CFAP46: variants seen among roughly 807,000 people sequenced by gnomAD.
CFAP46 encodes cilia and flagella associated protein 46.
In CFAP46, 245 loss-of-function variants were observed where a neutral mutation model predicts 325.7. The ratio of observed to expected loss-of-function variants is 0.75; its 90% CI spans 0.68 to 0.84. The LOEUF (loss-of-function observed/expected upper bound fraction) is 0.84. Ranked by LOEUF, CFAP46 falls within the 40% of genes least tolerant of loss-of-function variation. CFAP46 has a pLI of 0.00. For synonymous variants in CFAP46, 1,523 were observed against 1,495.9 expected, an observed-to-expected ratio of 1.02 and a Z score of -0.42; for missense variants, 3,346 against 3,543.0, an observed-to-expected ratio of 0.94 and a Z score of 1.41.
chr10:132,920,761 C>T (rs2135599155), intron 13 of CFAP46, among the ~76,000 whole-genome samples: 1 of 152,356 alleles, frequency 6.6e-6, no homozygotes, highest in African/African-American at 2.4e-5. Flanking sequence ...ACGGCATCCT[C>T]CCCTGGAGCC....
chr10:132,881,773 C>T (rs1342142058), intron 27 of CFAP46, among the ~76,000 whole-genome samples: 3 of 152,266 alleles, frequency 2.0e-5, no homozygotes, highest in Non-Finnish European at 4.4e-5. Flanking sequence ...ACTGGCACCA[C>T]ACCACGTGCC....
Position 132,877,837 on chromosome 10 carries a change from C to G in CFAP46, c.4212+44G>C, listed in dbSNP as rs1848977878. On this transcript the variant is annotated intron_variant, in intron 30 of 57. Transcript: ENST00000368586. The surrounding 1 kb of genome is among the most constrained non-coding windows in gnomAD (Gnocchi z 5.7). ...ACAGGCAGGGAAACTGAGGCACAGG[C>G]CATCCTGGGCCCGGCCTCTGCACCG... is the stretch of plus-strand genomic sequence containing the variant. 1.3e-6 allele frequency: 2 copies of G among 1,540,260 alleles called. No individual in the cohort carries two copies. Among genetic ancestry groups the G allele is most frequent in the Middle Eastern group, 4.6e-4 (2 of 4,372 alleles).
intron 50 of CFAP46, among the ~76,000 whole-genome samples, chr10:132,821,372 C>T (rs1239277752): frequency 8.7e-6 from 1 of 114,694 alleles, no homozygotes. Context: ...GTGCTGTGTG[C>T]TGTGTGTGCA....
At chr10:132,910,846 C>A (rs35694315) in intron 19 of CFAP46, among the ~76,000 whole-genome samples, 4 of 152,258 alleles carry the variant, frequency 2.6e-5, no homozygotes, top group Admixed American at 6.5e-5. Flanking sequence ...ACACAGCCAT[C>A]CCATCGGAAT....
chr10:132,823,641 A>T (rs1343143427), intron 50 of CFAP46, among the ~76,000 whole-genome samples: 1 of 82,100 alleles, frequency 1.2e-5, no homozygotes, highest in East Asian at 4.4e-4. Context: ...GTGAGTGCTG[A>T]TGTGTGCTGT....
intron 54 of CFAP46, among the ~76,000 whole-genome samples, chr10:132,813,785 T>C (rs1175581294): frequency 6.6e-6 from 1 of 152,176 alleles, no homozygotes; most frequent in Non-Finnish European, 1.5e-5. Flanking sequence ...CTGATTGCTC[T>C]GTTCCCTGCT....
At chr10:132,938,808 C>G in intron 4 of CFAP46, 55 bp from the exon 5 acceptor site, 1 of 1,559,318 alleles carries the variant, frequency 6.4e-7, no homozygotes, top group Non-Finnish European at 8.7e-7. Context: ...CCGGCCCAAG[C>G]TGCAGAACCA....
intron 31 of CFAP46, among the ~76,000 whole-genome samples, chr10:132,875,103 T>C (rs1848941122): frequency 6.6e-6 from 1 of 152,256 alleles, no homozygotes; most frequent in Non-Finnish European, 1.5e-5. Flanking sequence ...TACATTTCTA[T>C]AGTTTATCTG....
chr10:132,937,268 T>A, intron 6 of CFAP46: 1 of 535,606 alleles, frequency 1.9e-6, no homozygotes, highest in East Asian at 3.1e-5. Context: ...GTGAATTTTC[T>A]ATTAACTTTA....
At position 132,867,158 on chromosome 10, in the gene CFAP46, CCGGCCCCT is replaced by C. The variant is rs1319189011; in HGVS notation, c.4743+209_4743+216del. On this transcript the variant is annotated intron_variant, in intron 34 of 57. Coordinates refer to ENST00000368586, the MANE Select transcript of CFAP46 (RefSeq NM_001200049.3). Reference sequence around the variant, plus strand: ...CCTCGCACACTGACACACACACAGGCCGGCCCCTCACACACTGACACACACACAGGCCG... The same window carrying C: ...CCTCGCACACTGACACACACACAGGCCACACACTGACACACACACAGGCCG... Among the ~76,000 whole-genome samples, 1,186 of 151,550 alleles carry C rather than the reference CCGGCCCCT, an allele frequency of 7.8e-3. 11 individuals carry two copies. Among genetic ancestry groups the C allele is most frequent in the South Asian group, 0.031 (150 of 4,770 alleles).
intron 16 of CFAP46, among the ~76,000 whole-genome samples, chr10:132,917,724 T>C (rs926124073): frequency 5.9e-5 from 9 of 152,186 alleles, no homozygotes; most frequent in Non-Finnish European, 1.3e-4. Flanking sequence ...CTCCCTCATA[T>C]TCATTTTGTT....
intron 50 of CFAP46, among the ~76,000 whole-genome samples, chr10:132,825,419 T>C (rs1848029323): frequency 2.0e-5 from 3 of 152,108 alleles, no homozygotes; most frequent in Admixed American, 2.0e-4. Context: ...AGACACGCAA[T>C]ATAAAGGGGC....
intron 41 of CFAP46, among the ~76,000 whole-genome samples, chr10:132,848,206 G>A (rs562811478): frequency 4.4e-4 from 67 of 152,236 alleles, no homozygotes; most frequent in African/African-American, 1.4e-3. Flanking sequence ...AGAAACAGTC[G>A]CCTTGAAATT....
rs142833391 is a variant in CFAP46, at chr10:132,887,668, CCT to C, written c.3305-1711_3305-1710del. Among the ~76,000 whole-genome samples the C allele has an allele frequency of 1.5e-3, 72 of 47,536 alleles. 1 individual carries two copies. Among genetic ancestry groups the C allele is most frequent in the Admixed American group, 2.3e-3 (7 of 3,060 alleles). The allele number at this position is 47,536 out of a possible 152,430, so 31.2% of individuals were successfully genotyped here. A position where few individuals can be genotyped will look rare whatever the true frequency, so the allele number is the denominator to read the frequency against. Reference sequence around the variant, plus strand: ...CTCTCCTCTCCTCTCTCCTCTTTCACCTCTCTCTCTCCTCTCCTCTCTCTCTC... The same window carrying C: ...CTCTCCTCTCCTCTCTCCTCTTTCACCTCTCTCTCCTCTCCTCTCTCTCTC... On this transcript the variant is annotated intron_variant, in intron 25 of 57. Coordinates refer to ENST00000368586, the MANE Select transcript of CFAP46 (RefSeq NM_001200049.3).
chr10:132,860,524 CTG>C lies in CFAP46; in HGVS notation c.5092-3_5092-2del, dbSNP rs1848705946. On this transcript the variant is annotated splice_acceptor_variant and splice_polypyrimidine_tract_variant and intron_variant, in intron 36 of 57. Transcript: ENST00000368586. LOFTEE classifies it high-confidence loss of function. ...TGAGCTTCTGAAATATGTGACACAC[CTG>C]AGGACAGGCAGGGGTGGATACGGGT... 8 of 1,546,722 alleles carry C rather than the reference CTG, an allele frequency of 5.2e-6. No individual in the cohort carries two copies. The highest frequency in any genetic ancestry group is 7.0e-6 in the Non-Finnish European group (8 of 1,143,318).
chr10:132,906,455 CGCGTG>C (rs1849457402), intron 22 of CFAP46, among the ~76,000 whole-genome samples: 1 of 151,716 alleles, frequency 6.6e-6, no homozygotes, highest in African/African-American at 2.4e-5. Flanking sequence ...GGGGTCCTGG[CGCGTG>C]ATGCCCCGTC....
chr10:132,853,046 T>A (rs941629687), intron 39 of CFAP46, among the ~76,000 whole-genome samples: 15 of 151,886 alleles, frequency 9.9e-5, no homozygotes, highest in Admixed American at 2.6e-4. Flanking sequence ...TTTAATTTCC[T>A]TTTTTCCTGC....
At chr10:132,853,603 T>C (rs1848594855) in intron 39 of CFAP46, among the ~76,000 whole-genome samples, 1 of 151,502 alleles carries the variant, frequency 6.6e-6, no homozygotes, top group Admixed American at 6.6e-5. Context: ...TTATTTTTTC[T>C]TAAATATTTG....
chr10:132,879,010 C>T (rs1848998549), intron 29 of CFAP46, among the ~76,000 whole-genome samples: 1 of 152,170 alleles, frequency 6.6e-6, no homozygotes, highest in Non-Finnish European at 1.5e-5. Context: ...GCGGGCGGTT[C>T]AGGAGCTGTC....
Sources: allele counts gnomAD v4.1 joint callset (sites outside exome capture counted in the v4.1 genomes callset), GRCh38; gene constraint gnomAD v4.1.1; non-coding constraint Gnocchi (gnomAD v3.1); transcripts MANE v1.5; gene names NCBI Gene and HGNC (gene_info 2026-07-23, HGNC 2026-07-21).